The following PCDH15 variants were observed in gnomAD, a reference collection of about 807,000 sequenced individuals.
The protein encoded by PCDH15 is protocadherin related 15, also known as protocadherin-15.
PCDH15 carries 129 observed loss-of-function variants against 178.5 expected under a neutral mutation model. The ratio of observed to expected loss-of-function variants is 0.72; its 90% confidence interval spans 0.63 to 0.84. The LOEUF is 0.84. Ranked by LOEUF, PCDH15 falls within the 40% of genes least tolerant of loss-of-function variation. The pLI is 0.00. For synonymous variants in PCDH15, 800 were observed against 732.0 expected, an observed-to-expected ratio of 1.09 and a Z score of -1.50; for missense variants, 2,230 against 2,099.9, an observed-to-expected ratio of 1.06 and a Z score of -1.21.
At chr10:55,103,737 TC>T (rs1842621078) in intron 2 of PCDH15, among the ~76,000 whole-genome samples, 1 of 152,106 alleles carries the variant, frequency 6.6e-6, no homozygotes, top group Non-Finnish European at 1.5e-5. Context: ...TCCTTATGAC[TC>T]CCTAATCTAG....
intron 2 of PCDH15, among the ~76,000 whole-genome samples, chr10:55,519,113 A>C (rs1334253127): frequency 3.3e-5 from 5 of 150,330 alleles, no homozygotes; most frequent in Admixed American, 2.6e-4. Context: ...AAAAAAAAAA[A>C]AAAACAAACT....
intron 3 of PCDH15, among the ~76,000 whole-genome samples, chr10:54,845,839 T>C (rs1280144878): frequency 6.6e-6 from 1 of 152,100 alleles, no homozygotes; most frequent in Non-Finnish European, 1.5e-5. Context: ...TCAAAATGAC[T>C]GGATATTGAC....
intron 15 of PCDH15, among the ~76,000 whole-genome samples, chr10:54,127,847 G>A (rs2042109718): frequency 1.3e-5 from 2 of 152,066 alleles, no homozygotes; most frequent in African/African-American, 4.8e-5. Context: ...CATCAATGAT[G>A]TCTCAATTTA....
At chr10:54,631,658 C>T (rs1174380614) in intron 2 of PCDH15, among the ~76,000 whole-genome samples, 5 of 152,142 alleles carry the variant, frequency 3.3e-5, no homozygotes, top group East Asian at 1.9e-4. Context: ...TCTGTTTTCA[C>T]ACTGCTATAA....
chr10:54,601,740 A>G (rs1365877500), intron 2 of PCDH15, among the ~76,000 whole-genome samples: 1 of 152,008 alleles, frequency 6.6e-6, no homozygotes, highest in East Asian at 1.9e-4. Flanking sequence ...ACATGCCCAC[A>G]TATGTTCATT....
chr10:54,220,505 G>A (rs956590427), intron 9 of PCDH15, among the ~76,000 whole-genome samples: 5 of 152,104 alleles, frequency 3.3e-5, no homozygotes, highest in Admixed American at 3.3e-4. Context: ...CTGGAAGGTT[G>A]GTTTTTAGAC....
At chr10:53,941,403 G>A (rs2086054156) in intron 23 of PCDH15, among the ~76,000 whole-genome samples, 1 of 152,054 alleles carries the variant, frequency 6.6e-6, no homozygotes, top group African/African-American at 2.4e-5. Flanking sequence ...CCAGAATGTT[G>A]TATAGCTGGA....
intron 1 of PCDH15, among the ~76,000 whole-genome samples, chr10:55,294,737 C>T (rs966555263): frequency 1.3e-5 from 2 of 152,092 alleles, no homozygotes; most frequent in Non-Finnish European, 2.9e-5. Context: ...TATGTAAGGA[C>T]CTGAACTCAG....
intron 2 of PCDH15, among the ~76,000 whole-genome samples, chr10:55,480,654 A>G (rs953877610): frequency 6.6e-6 from 1 of 151,796 alleles, no homozygotes; most frequent in Admixed American, 6.6e-5. Flanking sequence ...TGTATGTTGA[A>G]CCAACCTTGC....
chr10:53,888,664 GATATATATATATAT>G (rs59914675), intron 26 of PCDH15, among the ~76,000 whole-genome samples: 1,525 of 17,014 alleles, frequency 0.09, 151 homozygotes, highest in South Asian at 0.35. Context: ...AGTTAAGTTT[GATATATATATATAT>G]ATATATATAT....
At chr10:55,077,713 C>T (rs558641234) in intron 2 of PCDH15, among the ~76,000 whole-genome samples, 2 of 152,072 alleles carry the variant, frequency 1.3e-5, no homozygotes, top group South Asian at 2.1e-4. Context: ...CACCTGGCTA[C>T]TTTTTGTATT....
intron 2 of PCDH15, among the ~76,000 whole-genome samples, chr10:54,547,705 T>C (rs2086019210): frequency 6.6e-6 from 1 of 152,154 alleles, no homozygotes; most frequent in Non-Finnish European, 1.5e-5. Flanking sequence ...TTGCAATAAT[T>C]TTTATTTGTA....
chr10:54,290,024 T>C (rs2132966533), intron 8 of PCDH15, among the ~76,000 whole-genome samples: 1 of 152,192 alleles, frequency 6.6e-6, no homozygotes, highest in South Asian at 2.1e-4. Context: ...AGGCCAACAT[T>C]CAAATTCAGG....
intron 3 of PCDH15, among the ~76,000 whole-genome samples, chr10:54,410,762 C>A (rs1174487564): frequency 1.3e-5 from 2 of 152,000 alleles, no homozygotes; most frequent in East Asian, 1.9e-4. Context: ...AAAGCTCCTG[C>A]AAGTTAGGCT....
intron 28 of PCDH15, among the ~76,000 whole-genome samples, chr10:53,855,267 G>T (rs1172958565): frequency 6.6e-6 from 1 of 151,948 alleles, no homozygotes; most frequent in East Asian, 1.9e-4. Context: ...TTGAAGCTGG[G>T]TATCATTTCT....
At chr10:55,595,784 C>T (rs922274962) in intron 2 of PCDH15, among the ~76,000 whole-genome samples, 1 of 151,720 alleles carries the variant, frequency 6.6e-6, no homozygotes, top group East Asian at 1.9e-4. Context: ...TAGTGCTCAG[C>T]CTTATTTGAT....
chr10:55,575,884 G>C (rs898359343), intron 2 of PCDH15, among the ~76,000 whole-genome samples: 1 of 152,134 alleles, frequency 6.6e-6, no homozygotes, highest in African/African-American at 2.4e-5. Context: ...AATAAAGTTA[G>C]ATACTCTCTG....
At chr10:55,624,816 C>T (rs1837488916) in intron 2 of PCDH15, among the ~76,000 whole-genome samples, 1 of 151,974 alleles carries the variant, frequency 6.6e-6, no homozygotes, top group Non-Finnish European at 1.5e-5. Context: ...AATGACCAGA[C>T]TCACCATTGG....
At chr10:55,405,978 G>A (rs959549650) in intron 2 of PCDH15, among the ~76,000 whole-genome samples, 14 of 151,370 alleles carry the variant, frequency 9.2e-5, no homozygotes, top group Admixed American at 2.6e-4. Context: ...AGTCAGTGTC[G>A]ATGAGAAAAT....
Sources: allele counts gnomAD v4.1 joint callset (sites outside exome capture counted in the v4.1 genomes callset), GRCh38; gene constraint gnomAD v4.1.1; transcripts MANE v1.5; gene names NCBI Gene and HGNC (gene_info 2026-07-23, HGNC 2026-07-21).